GALNT13: variants seen among roughly 807,000 people sequenced by gnomAD.
GALNT13 encodes polypeptide N-acetylgalactosaminyltransferase 13, also known as UDP-GalNAc:polypeptide N-acetylgalactosaminyltransferase 13.
A neutral mutation model predicts 64.2 loss-of-function variants in GALNT13; 28 were observed. The ratio of observed to expected loss-of-function variants is 0.44; its 90% CI spans 0.32 to 0.60. The LOEUF (loss-of-function observed/expected upper bound fraction) is 0.60. Among genes scored for constraint, GALNT13 ranks in the 20% least tolerant of loss-of-function variants. GALNT13 has a pLI of 0.05. For synonymous variants in GALNT13, 214 were observed against 224.6 expected, an observed-to-expected ratio of 0.95 and a Z score of 0.42; for missense variants, 577 against 669.8, an observed-to-expected ratio of 0.86 and a Z score of 1.53.
At chr2:153,651,474 C>A in the GALNT13 span, among the ~76,000 whole-genome samples, 6 of 152,138 alleles carry the variant, frequency 3.9e-5, no homozygotes, top group East Asian at 1.9e-4. Context: ...GTTGTTCTTT[C>A]AATATCTCAG....
At chr2:153,181,911 T>C in the GALNT13 span, among the ~76,000 whole-genome samples, 1 of 148,296 alleles carries the variant, frequency 6.7e-6, no homozygotes, top group Admixed American at 6.8e-5. Flanking sequence ...TATAAATGAT[T>C]ATATAAAGCA....
At chr2:153,146,563 A>G in the GALNT13 span, among the ~76,000 whole-genome samples, 1 of 151,880 alleles carries the variant, frequency 6.6e-6, no homozygotes, top group Non-Finnish European at 1.5e-5. Context: ...ACTGCAGGGT[A>G]CATTACAGAA....
At chr2:153,862,100 G>A in the GALNT13 span, among the ~76,000 whole-genome samples, 4 of 152,170 alleles carry the variant, frequency 2.6e-5, no homozygotes, top group Non-Finnish European at 4.4e-5. Flanking sequence ...GGCTATAAAA[G>A]TGAACTTTTC....
chr2:153,382,709 A>C, the GALNT13 span, among the ~76,000 whole-genome samples: 53 of 152,130 alleles, frequency 3.5e-4, no homozygotes, highest in Non-Finnish European at 5.6e-4. Context: ...TTGAGGTCTG[A>C]ATATGAAATA....
At chr2:153,350,577 T>C in the GALNT13 span, among the ~76,000 whole-genome samples, 11 of 151,936 alleles carry the variant, frequency 7.2e-5, no homozygotes, top group Non-Finnish European at 1.5e-4. Flanking sequence ...GAGACAGGGT[T>C]TTACCATGTT....
chr2:153,769,676 C>T, the GALNT13 span, among the ~76,000 whole-genome samples: 1 of 152,114 alleles, frequency 6.6e-6, no homozygotes, highest in Admixed American at 6.5e-5. Flanking sequence ...ATATATCTTC[C>T]ATACTTTTTT....
At chr2:153,356,787 C>T in the GALNT13 span, among the ~76,000 whole-genome samples, 31,064 of 53,606 alleles carry the variant, frequency 0.58, 7,629 homozygotes, top group African/African-American at 0.68. Flanking sequence ...TTTCTTCTTC[C>T]TCTTTTTTTT....
chr2:154,373,519 A>C (rs1038160184), intron 9 of GALNT13, among the ~76,000 whole-genome samples: 1 of 152,180 alleles, frequency 6.6e-6, no homozygotes, highest in Non-Finnish European at 1.5e-5. Flanking sequence ...GTTGTCCAAA[A>C]AGATATATTA....
intron 10 of GALNT13, among the ~76,000 whole-genome samples, chr2:154,399,874 G>A (rs1050728002): frequency 1.3e-5 from 2 of 152,148 alleles, no homozygotes; most frequent in African/African-American, 4.8e-5. Flanking sequence ...AGAAGTAAAA[G>A]ATGCCCTGCA....
At chr2:154,389,126 G>A (rs886666225) in intron 9 of GALNT13, among the ~76,000 whole-genome samples, 1 of 151,940 alleles carries the variant, frequency 6.6e-6, no homozygotes, top group Non-Finnish European at 1.5e-5. Context: ...GTTTTGTTTT[G>A]TTTTTGTTTT....
At chr2:153,432,114 A>G in the GALNT13 span, among the ~76,000 whole-genome samples, 3 of 149,988 alleles carry the variant, frequency 2.0e-5, no homozygotes, top group Middle Eastern at 0.01. Flanking sequence ...GGGAAAAAAA[A>G]GGAGAAGGAA....
chr2:154,200,296 G>A (rs1375918296), intron 4 of GALNT13, among the ~76,000 whole-genome samples: 1 of 151,946 alleles, frequency 6.6e-6, no homozygotes, highest in Non-Finnish European at 1.5e-5. Context: ...TAGAATTACT[G>A]CATTAACTAT....
rs1699177877 is a variant in GALNT13, at chr2:154,398,965, T to G, written c.1296+2835T>G. On this transcript the variant is annotated intron_variant, in intron 10 of 12. Coordinates refer to ENST00000392825, the MANE Select transcript of GALNT13 (RefSeq NM_052917.4). ...AATAAGGAAACTGACACACAGAAAGTTTATGTGCTTGGCCTATAGGTCACA... is the reference window on the plus strand; with the variant it reads ...AATAAGGAAACTGACACACAGAAAGGTTATGTGCTTGGCCTATAGGTCACA... 3.9e-5 allele frequency among the ~76,000 whole-genome samples: 6 copies of G among 152,302 alleles called. No individual in the cohort carries two copies. In the South Asian group the frequency reaches 1.2e-3, roughly 32 times the overall value.
intron 9 of GALNT13, among the ~76,000 whole-genome samples, chr2:154,385,148 A>G (rs1014032395): frequency 6.6e-6 from 1 of 152,008 alleles, no homozygotes; most frequent in African/African-American, 2.4e-5. Flanking sequence ...AGTTATATCT[A>G]ACTAGCTTCC....
the GALNT13 span, among the ~76,000 whole-genome samples, chr2:153,334,175 T>C: frequency 6.6e-6 from 1 of 152,194 alleles, no homozygotes; most frequent in African/African-American, 2.4e-5. Flanking sequence ...TGACCTCAAG[T>C]AAACCTATGT....
At chr2:153,804,410 C>T in the GALNT13 span, among the ~76,000 whole-genome samples, 39 of 152,252 alleles carry the variant, frequency 2.6e-4, no homozygotes, top group African/African-American at 8.4e-4. Flanking sequence ...CTCCTAGGCT[C>T]AAGCTATCCT....
At chr2:154,202,429 C>T (rs569165647) in intron 4 of GALNT13, among the ~76,000 whole-genome samples, 1 of 152,020 alleles carries the variant, frequency 6.6e-6, no homozygotes, top group African/African-American at 2.4e-5. Flanking sequence ...ATGGAGGTAG[C>T]ATTTTTTAAG....
intron 3 of GALNT13, among the ~76,000 whole-genome samples, chr2:154,095,640 G>C (rs1702037535): frequency 6.6e-6 from 1 of 151,758 alleles, no homozygotes; most frequent in Admixed American, 6.6e-5. Context: ...CTTAATATGT[G>C]AATAGAATGT....
chr2:153,870,875 C>T (rs1259532818), upstream of GALNT13, among the ~76,000 whole-genome samples: 1 of 151,844 alleles, frequency 6.6e-6, no homozygotes, highest in Non-Finnish European at 1.5e-5. Context: ...AGCAAGGACC[C>T]CTGTCAGCCC....
Sources: gnomAD v4.1 joint callset for allele counts (sites outside exome capture counted in the v4.1 genomes callset) on GRCh38, gnomAD v4.1.1 for gene constraint, MANE v1.5 for transcripts, NCBI Gene and HGNC (gene_info 2026-07-23, HGNC 2026-07-21) for gene names.